The following CEP85 variants were observed in gnomAD, a reference collection of about 807,000 sequenced individuals.
CEP85 encodes centrosomal protein of 85 kDa.
In CEP85, 58 loss-of-function variants were observed where a neutral mutation model predicts 93.7. The observed-to-expected ratio is 0.62, with a 90% confidence interval of 0.50 to 0.77. The LOEUF is 0.77. Ranked by LOEUF, CEP85 falls within the 30% of genes least tolerant of loss-of-function variation. The pLI is 0.00. For synonymous variants in CEP85, 314 were observed against 338.6 expected, an observed-to-expected ratio of 0.93 and a Z score of 0.80; for missense variants, 868 against 922.0, an observed-to-expected ratio of 0.94 and a Z score of 0.76.
intron 4 of CEP85, among the ~76,000 whole-genome samples, chr1:26,256,819 G>A (rs1243689895): frequency 3.3e-5 from 5 of 151,378 alleles, no homozygotes; most frequent in African/African-American, 9.7e-5. Flanking sequence ...GCCTAGTCTC[G>A]AACTCCTGAC....
At chr1:26,254,839 A>C in intron 3 of CEP85, 1 of 258,490 alleles carries the variant, frequency 3.9e-6, no homozygotes, top group Non-Finnish European at 7.4e-6. Flanking sequence ...TTAAGTAAGT[A>C]ATTTGTTTTA....
chr1:26,262,955 TTAAACTCC>T (rs1166862732), intron 7 of CEP85: 2 of 152,800 alleles, frequency 1.3e-5, no homozygotes, highest in Non-Finnish European at 2.9e-5. Flanking sequence ...CAGGCTGGTC[TTAAACTCC>T]TGGCCTCAGG....
At chr1:26,269,732 T>C in intron 9 of CEP85, 118 bp downstream of exon 9, 1 of 743,502 alleles carries the variant, frequency 1.3e-6, no homozygotes, top group Non-Finnish European at 2.2e-6. Flanking sequence ...TTATCTGAGC[T>C]TTGTTTTCTT....
chr1:26,251,271 G>A (rs1368327050), intron 3 of CEP85, among the ~76,000 whole-genome samples: 1 of 111,620 alleles, frequency 9.0e-6, no homozygotes, highest in Non-Finnish European at 1.8e-5. Flanking sequence ...TTTTTTTTGA[G>A]GTGGAGTTTA....
chr1:26,271,549 C>T (rs2089976156), intron 10 of CEP85: 1 of 174,266 alleles, frequency 5.7e-6, no homozygotes, highest in Non-Finnish European at 1.2e-5. Flanking sequence ...AAAGAAGACC[C>T]ATAAATGATT....
At chr1:26,252,308 G>A (rs953215766) in intron 3 of CEP85, among the ~76,000 whole-genome samples, 3 of 152,148 alleles carry the variant, frequency 2.0e-5, no homozygotes, top group Non-Finnish European at 4.4e-5. Context: ...CGAGGCGGGC[G>A]GATCACCTGA....
rs1569968636 is a variant in CEP85, at chr1:26,244,246, T to C, written c.136T>C (p.Phe46Leu). 3 of 1,614,008 alleles carry C rather than the reference T, an allele frequency of 1.9e-6. No individual in the cohort carries two copies. Among genetic ancestry groups the C allele is most frequent in the Non-Finnish European group, 2.5e-6 (3 of 1,179,970 alleles). Reference sequence around the variant, plus strand: ...TATCTCGGAGCCCTTTCGGAGCCGCTTCAGCCGCTGTTCAAGTGTAGCCGA... The same window carrying C: ...TATCTCGGAGCCCTTTCGGAGCCGCCTCAGCCGCTGTTCAAGTGTAGCCGA... ...PVISEPFRSR[F>L]SRCSSVADSG... The change falls in exon 3 of 14, where the codon TTC becomes CTC. Residue 46 changes from phenylalanine (F) to leucine (L), a missense_variant. Transcript: ENST00000451429.
intron 3 of CEP85, among the ~76,000 whole-genome samples, chr1:26,250,925 C>CCTTTTTTTTTTTTTTTTT (rs2089598435): frequency 1.3e-4 from 7 of 55,134 alleles, no homozygotes; most frequent in African/African-American, 4.1e-4. Flanking sequence ...TTTTTTTTTT[C>CCTTTTTTTTTTTTTTTTT]TTTTTTCTTT....
intron 3 of CEP85, among the ~76,000 whole-genome samples, chr1:26,254,427 T>TAA (rs78505562): frequency 0.043 from 6,129 of 143,610 alleles, 175 homozygotes; most frequent in Non-Finnish European, 0.064. Flanking sequence ...AAGGAAAAGT[T>TAA]AAAAAAAAAA....
intron 11 of CEP85, chr1:26,272,504 A>G (rs2089989637): frequency 5.9e-6 from 1 of 169,940 alleles, no homozygotes; most frequent in Non-Finnish European, 1.3e-5. Context: ...CTGCTGACGT[A>G]TCCACTTTAA....
rs2089729375 is a variant in CEP85, at chr1:26,257,693, G to C, written c.1000G>C (p.Glu334Gln). 6.2e-7 allele frequency: 1 copy of C among 1,614,138 alleles called. No individual in the cohort carries two copies. The highest frequency in any genetic ancestry group is 8.5e-7 in the Non-Finnish European group (1 of 1,180,022). Residue 334 changes from glutamate to glutamine, a missense_variant, in exon 5 of 14, where the codon GAA becomes CAA. Transcript: ENST00000451429. ...GTGGATCAGCATCTTGAACAGTAAT[G>C]AACACCTTCTGAAGGAAAAAGAGCT... ...AQWISILNSNEHLLKEKELLI... is the reference protein window; with the variant it reads ...AQWISILNSNQHLLKEKELLI...
chr1:26,251,792 G>A (rs1455399609), intron 3 of CEP85, among the ~76,000 whole-genome samples: 4 of 152,134 alleles, frequency 2.6e-5, no homozygotes, highest in Non-Finnish European at 5.9e-5. Context: ...TGCTATGGAT[G>A]GAGACTGGAA....
chr1:26,255,291 C>G lies in CEP85; in HGVS notation c.329C>G (p.Pro110Arg), dbSNP rs1364728940. The G allele has an allele frequency of 1.9e-6, 3 of 1,614,050 alleles. No homozygotes were observed. The highest frequency in any genetic ancestry group is 1.1e-5 in the South Asian group (1 of 91,086). The change falls in exon 4 of 14, where the codon CCT (proline) becomes CGT (arginine). Residue 110 changes from proline (P) to arginine (R), a missense_variant. Physicochemically the swap from Pro to Arg is moderately radical, Grantham distance 103 (BLOSUM62 -2). Coordinates refer to ENST00000451429, the MANE Select transcript of CEP85 (RefSeq NM_001319944.2). ...GTSPAKPNST[P>R]VGPSSSKLPL... ...TCTCCTGCCAAGCCAAATTCTACAC[C>G]TGTTGGACCCTCTTCCTCTAAACTC...
At chr1:26,239,879 G>A in intron 2 of CEP85, 41 bp downstream of exon 2, 1 of 1,478,728 alleles carries the variant, frequency 6.8e-7, no homozygotes, top group South Asian at 1.1e-5. Flanking sequence ...TCTGACCTTT[G>A]TTCTGTTTTT....
chr1:26,238,201 TC>T (rs2089358751), intron 1 of CEP85, among the ~76,000 whole-genome samples: 2 of 69,558 alleles, frequency 2.9e-5, no homozygotes, highest in South Asian at 7.0e-4. Flanking sequence ...TGTCCCAAAC[TC>T]TTTTTTTTTT....
At chr1:26,251,400 C>T (rs991311378) in intron 3 of CEP85, among the ~76,000 whole-genome samples, 3 of 151,962 alleles carry the variant, frequency 2.0e-5, no homozygotes, top group East Asian at 1.9e-4. Flanking sequence ...TACAGGCATG[C>T]GTCACCACGC....
intron 5 of CEP85, 130 bp from the exon 6 acceptor site, chr1:26,258,013 T>C: frequency 1.3e-6 from 1 of 750,466 alleles, no homozygotes; most frequent in Non-Finnish European, 2.3e-6. Flanking sequence ...CATTTGTTCT[T>C]CTTCCTTCAG....
At chr1:26,275,731 A>C (rs2090044525) in intron 12 of CEP85, among the ~76,000 whole-genome samples, 1 of 152,208 alleles carries the variant, frequency 6.6e-6, no homozygotes. Flanking sequence ...AACCAAGTTC[A>C]CTGACTGGCC....
rs148714734 is a variant in CEP85 at position 26,249,490 on chromosome 1, T to C, written c.208+5172T>C. Among the ~76,000 whole-genome samples, 8 of 152,380 alleles carry C rather than the reference T, an allele frequency of 5.3e-5. No individual in the cohort carries two copies. The East Asian group carries it at 1.5e-3, about 29-fold the overall frequency. ...TAGTTCATTGTTGCATCTTTAAATT[T>C]AATAGGCATGCTTTTGATTCCACCC... is the stretch of plus-strand genomic sequence containing the variant. On this transcript the variant is annotated intron_variant, in intron 3 of 13. Coordinates refer to ENST00000451429, the MANE Select transcript of CEP85 (RefSeq NM_001319944.2).
Sources: allele counts gnomAD v4.1 joint callset (sites outside exome capture counted in the v4.1 genomes callset), GRCh38; gene constraint gnomAD v4.1.1; transcripts MANE v1.5; gene names NCBI Gene and HGNC (gene_info 2026-07-23, HGNC 2026-07-21).